EIPR1: variants seen among roughly 807,000 people sequenced by gnomAD.
The protein encoded by EIPR1 is EARP complex and GARP complex interacting protein 1.
Under a neutral mutation model 48.1 loss-of-function variants are expected in EIPR1, and 25 were observed. That is an observed-to-expected ratio of 0.52 (90% CI 0.38 to 0.73). The LOEUF is 0.73. Ranked by LOEUF, EIPR1 falls within the 30% of genes least tolerant of loss-of-function variation. The probability of loss-of-function intolerance (pLI) is 0.00; values close to 1 mark genes in which losing one functional copy is unlikely to be tolerated. For synonymous variants in EIPR1, 204 were observed against 201.9 expected, an observed-to-expected ratio of 1.01 and a Z score of -0.09; for missense variants, 415 against 506.2, an observed-to-expected ratio of 0.82 and a Z score of 1.73.
rs147064393 is a variant in EIPR1 at position 3,293,077 on chromosome 2, C to T, written c.260-35622G>A. On this transcript the variant is annotated intron_variant, in intron 3 of 8. Transcript: ENST00000382125. ...GCATTCTCCCAAGTCCTCTGCCAGCCTACGAGTCTTCCTCTGTTTCCTTTC... is the reference window on the plus strand; with the variant it reads ...GCATTCTCCCAAGTCCTCTGCCAGCTTACGAGTCTTCCTCTGTTTCCTTTC... Among the ~76,000 whole-genome samples, 877 of 152,352 alleles carry T rather than the reference C, an allele frequency of 5.8e-3. 7 individuals are homozygous for T. Among genetic ancestry groups the T allele is most frequent in the Middle Eastern group, 0.01 (3 of 294 alleles).
At chr2:3,339,806 C>T (rs1409118057) in intron 2 of EIPR1, among the ~76,000 whole-genome samples, 1 of 152,174 alleles carries the variant, frequency 6.6e-6, no homozygotes, top group Non-Finnish European at 1.5e-5. Context: ...AAAAATTAGC[C>T]GGGCGTGGTG....
chr2:3,240,263 T>C (rs1049929752), intron 4 of EIPR1, among the ~76,000 whole-genome samples: 3,498 of 23,790 alleles, frequency 0.15, 9 homozygotes, highest in Middle Eastern at 0.24. Flanking sequence ...CAGCAGACTC[T>C]TCCTCAGGAA....
At chr2:3,240,346 G>C (rs1666565638) in intron 4 of EIPR1, among the ~76,000 whole-genome samples, 1 of 150,598 alleles carries the variant, frequency 6.6e-6, no homozygotes, top group Non-Finnish European at 1.5e-5. Flanking sequence ...CCTTCCTAAA[G>C]CAAAGCCAGC....
At chr2:3,362,085 A>G (rs1337393795) in intron 1 of EIPR1, among the ~76,000 whole-genome samples, 1 of 152,208 alleles carries the variant, frequency 6.6e-6, no homozygotes, top group Non-Finnish European at 1.5e-5. Flanking sequence ...CCAGACCCGC[A>G]CTAAGCGCCC....
chr2:3,207,683 T>C (rs1203775423), intron 5 of EIPR1: 2 of 152,346 alleles, frequency 1.3e-5, no homozygotes, highest in East Asian at 1.9e-4. Flanking sequence ...TCTAAAAATA[T>C]ATAATTTGTT....
chr2:3,299,801 C>T (rs1442617383), intron 3 of EIPR1, among the ~76,000 whole-genome samples: 1 of 152,158 alleles, frequency 6.6e-6, no homozygotes, highest in Non-Finnish European at 1.5e-5. Context: ...CCTCTCTTGA[C>T]AGTCTGTAGA....
chr2:3,377,059 T>C (rs1659906968), intron 1 of EIPR1, among the ~76,000 whole-genome samples: 1 of 152,182 alleles, frequency 6.6e-6, no homozygotes, highest in Non-Finnish European at 1.5e-5. Flanking sequence ...GTGACAGTCA[T>C]GAAAAGGCAC....
intron 2 of EIPR1, among the ~76,000 whole-genome samples, chr2:3,341,564 G>A (rs1378828822): frequency 1.3e-5 from 2 of 151,512 alleles, no homozygotes; most frequent in African/African-American, 2.4e-5. Context: ...GGGGGTGTGA[G>A]TGTGAGGCAG....
intron 1 of EIPR1, among the ~76,000 whole-genome samples, chr2:3,367,000 G>T (rs1014378521): frequency 6.6e-6 from 1 of 151,778 alleles, no homozygotes; most frequent in Non-Finnish European, 1.5e-5. Context: ...AGCCAAGATT[G>T]CGCCACTGTA....
Position 3,214,159 on chromosome 2 carries a change from C to T in EIPR1, c.506G>A (p.Ser169Asn). ...ILLWDLQESS[S>N]QAVLASSASL... ...GTTGCTTTTACTTACCACAGCCTGG[C>T]TCGAGCTTTCCTGTAAATCCCACAG... Residue 169 changes from serine (S) to asparagine (N), a missense_variant, in exon 5 of 9, where the codon AGC (serine) becomes AAC (asparagine). Physicochemically the swap from Ser to Asn is conservative, Grantham distance 46. Transcript: ENST00000382125. 1 of 1,613,538 alleles carries T rather than the reference C, an allele frequency of 6.2e-7. No homozygotes were observed. Among genetic ancestry groups the T allele is most frequent in the Non-Finnish European group, 8.5e-7 (1 of 1,179,718 alleles).
chr2:3,206,953 T>C (rs1318306960), intron 5 of EIPR1, among the ~76,000 whole-genome samples: 1 of 152,134 alleles, frequency 6.6e-6, no homozygotes, highest in African/African-American at 2.4e-5. Context: ...ACTGTAATGA[T>C]CATTCGCTGG....
At chr2:3,316,142 TCAC>T (rs1008221906) in intron 3 of EIPR1, among the ~76,000 whole-genome samples, 1 of 112,912 alleles carries the variant, frequency 8.9e-6, no homozygotes, top group Non-Finnish European at 1.8e-5. Context: ...CCCACCACCA[TCAC>T]CACCACCATC....
chr2:3,223,886 A>ACTC (rs1665977029), intron 4 of EIPR1, among the ~76,000 whole-genome samples: 1 of 151,412 alleles, frequency 6.6e-6, no homozygotes, highest in Non-Finnish European at 1.5e-5. Flanking sequence ...TGACCCCTAA[A>ACTC]CTCCCCATGT....
intron 3 of EIPR1, among the ~76,000 whole-genome samples, chr2:3,333,348 A>G (rs934792009): frequency 6.6e-6 from 1 of 152,154 alleles, no homozygotes; most frequent in Admixed American, 6.5e-5. Flanking sequence ...CCACGTCCTA[A>G]AGAAGAGCCG....
intron 4 of EIPR1, among the ~76,000 whole-genome samples, chr2:3,250,828 T>A (rs1181498589): frequency 6.6e-6 from 1 of 152,336 alleles, no homozygotes; most frequent in African/African-American, 2.4e-5. Context: ...ACAAGTGATG[T>A]CCTGGCTCCC....
In EIPR1 at chr2:3,256,850, C is replaced by T. The variant is rs557528311; in HGVS notation, c.416+449G>A. Among the ~76,000 whole-genome samples, 7 of 152,356 alleles carry T rather than the reference C, an allele frequency of 4.6e-5. No individual in the cohort carries two copies. In the East Asian group the frequency reaches 5.8e-4, roughly 13 times the overall value. ...TGAATGACACACCACATGCCGGACA[C>T]GGGCGGGCTTGGGCACGCAGCCCCA... is the stretch of plus-strand genomic sequence containing the variant. On this transcript the variant is annotated intron_variant, in intron 4 of 8. Transcript: ENST00000382125.
chr2:3,355,842 G>A (rs959422545), intron 1 of EIPR1, among the ~76,000 whole-genome samples: 132 of 115,674 alleles, frequency 1.1e-3, no homozygotes, highest in African/African-American at 1.6e-3. Context: ...AAAATAAAAT[G>A]AATAAATAAT....
At chr2:3,246,275 G>C (rs1156761423) in intron 4 of EIPR1, among the ~76,000 whole-genome samples, 1 of 152,068 alleles carries the variant, frequency 6.6e-6, no homozygotes, top group Non-Finnish European at 1.5e-5. Flanking sequence ...ACTCCTCTTT[G>C]TAACATTTAA....
In EIPR1 at chr2:3,377,787, C is replaced by T; in HGVS notation, c.-98G>A. The T allele has an allele frequency of 6.0e-6, 8 of 1,334,836 alleles. No homozygotes were observed. The highest frequency in any genetic ancestry group is 1.3e-5 in the South Asian group (1 of 77,810). 82.7% of individuals were successfully genotyped at this position (1,334,836 alleles called of 1,614,324 possible). On this transcript the variant is annotated 5_prime_UTR_variant, in exon 1 of 9. The change abolishes an upstream ATG in the 5' untranslated region. Coordinates refer to ENST00000382125, the MANE Select transcript of EIPR1 (RefSeq NM_003310.5). ...CGCGGGCGTGTTCCCAGCGCCCATT[C>T]ATTCCCTCCCCGCAGCAAACGACTC...
Sources: allele counts gnomAD v4.1 joint callset (sites outside exome capture counted in the v4.1 genomes callset), GRCh38; gene constraint gnomAD v4.1.1; transcripts MANE v1.5; gene names NCBI Gene and HGNC (gene_info 2026-07-23, HGNC 2026-07-21).